KCNB2: variants seen among roughly 807,000 people sequenced by gnomAD.
KCNB2 encodes the protein potassium voltage-gated channel subfamily B member 2.
Under a neutral mutation model 61.5 loss-of-function variants are expected in KCNB2, and 15 were observed. The observed-to-expected ratio is 0.24, with a 90% CI of 0.16 to 0.38. KCNB2 has a LOEUF of 0.38. Among genes scored for constraint, KCNB2 ranks in the 10% least tolerant of loss-of-function variants. The pLI is 1.00. For missense variants in KCNB2, 828 were observed against 1,125.2 expected, an observed-to-expected ratio of 0.74 and a Z score of 3.78; for synonymous variants, 457 against 446.0, an observed-to-expected ratio of 1.02 and a Z score of -0.31.
intron 2 of KCNB2, among the ~76,000 whole-genome samples, chr8:72,694,751 G>C (rs770526804): frequency 1.3e-5 from 2 of 151,824 alleles, no homozygotes; most frequent in African/African-American, 2.4e-5. Flanking sequence ...AATTTAAAAA[G>C]TTTTAGAGCA....
intron 2 of KCNB2, among the ~76,000 whole-genome samples, chr8:72,745,507 T>C (rs1456189018): frequency 6.6e-6 from 1 of 152,156 alleles, no homozygotes; most frequent in African/African-American, 2.4e-5. Flanking sequence ...ATAGTCTTAC[T>C]GAAAAAAATA....
chr8:72,598,375 A>G (rs1306879422), intron 2 of KCNB2, among the ~76,000 whole-genome samples: 2 of 152,242 alleles, frequency 1.3e-5, no homozygotes, highest in Admixed American at 6.5e-5. Flanking sequence ...ATAGATGCAG[A>G]AAAGGCCTTT....
At chr8:72,649,662 T>C (rs1806184378) in intron 2 of KCNB2, among the ~76,000 whole-genome samples, 1 of 152,134 alleles carries the variant, frequency 6.6e-6, no homozygotes, top group Admixed American at 6.5e-5. Context: ...ACTTCCATGA[T>C]GGGAAGTGTG....
intron 1 of KCNB2, among the ~76,000 whole-genome samples, chr8:72,555,145 A>C (rs1240314015): frequency 6.6e-6 from 1 of 152,046 alleles, no homozygotes; most frequent in Non-Finnish European, 1.5e-5. Flanking sequence ...GTGAGCAAGA[A>C]ACTTACCTTT....
chr8:72,862,438 T>G (rs1312503246), intron 2 of KCNB2, among the ~76,000 whole-genome samples: 1 of 152,212 alleles, frequency 6.6e-6, no homozygotes, highest in Non-Finnish European at 1.5e-5. Flanking sequence ...TTCTACAATT[T>G]TTTTTTACAC....
At chr8:72,589,069 C>T (rs918856176) in intron 2 of KCNB2, among the ~76,000 whole-genome samples, 1 of 152,104 alleles carries the variant, frequency 6.6e-6, no homozygotes, top group African/African-American at 2.4e-5. Flanking sequence ...GGAAAACATA[C>T]CAACAAGGAG....
At chr8:72,926,941 G>A (rs1026832812) in intron 2 of KCNB2, among the ~76,000 whole-genome samples, 2 of 152,114 alleles carry the variant, frequency 1.3e-5, no homozygotes, top group African/African-American at 2.4e-5. Context: ...TGAATTCCTC[G>A]AATGGCTTTT....
intron 2 of KCNB2, among the ~76,000 whole-genome samples, chr8:72,832,548 G>C (rs760394300): frequency 6.6e-6 from 1 of 152,122 alleles, no homozygotes; most frequent in Non-Finnish European, 1.5e-5. Context: ...CCAGAGCTGA[G>C]GGAAGATTAT....
Position 72,706,408 on chromosome 8 carries a change from T to A in KCNB2, c.579+138095T>A, listed in dbSNP as rs139616622. ...ACAACATTTTTAAAAAGTAAAAAAA[T>A]ATAAGTGTAGTCCACAGTGACCCAT... On this transcript the variant is annotated intron_variant, in intron 2 of 2. Transcript: ENST00000523207. Among the ~76,000 whole-genome samples, 294 of 152,266 alleles carry A rather than the reference T, an allele frequency of 1.9e-3. 3 individuals carry two copies. The highest frequency in any genetic ancestry group is 6.6e-3 in the African/African-American group (274 of 41,552).
At chr8:72,801,565 A>C (rs1037729881) in intron 2 of KCNB2, among the ~76,000 whole-genome samples, 1 of 152,200 alleles carries the variant, frequency 6.6e-6, no homozygotes, top group African/African-American at 2.4e-5. Context: ...ATTGAGTGTG[A>C]ATTGAAGCAG....
intron 2 of KCNB2, among the ~76,000 whole-genome samples, chr8:72,647,580 G>A (rs1318265864): frequency 6.6e-6 from 1 of 152,108 alleles, no homozygotes; most frequent in Non-Finnish European, 1.5e-5. Context: ...TTAAAGTGGT[G>A]AAAACAGATT....
intron 2 of KCNB2, among the ~76,000 whole-genome samples, chr8:72,755,018 C>G (rs907547075): frequency 6.6e-6 from 1 of 152,170 alleles, no homozygotes; most frequent in East Asian, 1.9e-4. Context: ...GTAGAAGATA[C>G]TCTTGGTAAG....
chr8:72,905,380 TAAGGAAA>T lies in KCNB2; in HGVS notation c.580-30554_580-30548del, dbSNP rs1292551327. Among the ~76,000 whole-genome samples, 3 of 152,232 alleles carry T rather than the reference TAAGGAAA, an allele frequency of 2.0e-5. No homozygotes were observed. In the East Asian group the frequency reaches 5.8e-4, roughly 29 times the overall value. ...TCAGTTTGGCCATTCAGATGGAACT[TAAGGAAA>T]GACACTTGGAAGTGCAATTGCAGAA... On this transcript the variant is annotated intron_variant, in intron 2 of 2. Transcript: ENST00000523207.
At chr8:72,713,309 A>G (rs2449103) in intron 2 of KCNB2, among the ~76,000 whole-genome samples, 110,141 of 152,114 alleles carry the variant, frequency 0.72, 41,137 homozygotes, top group African/African-American at 0.9. Context: ...TTTGAAGAGA[A>G]TAGTGGTTCT....
intron 2 of KCNB2, among the ~76,000 whole-genome samples, chr8:72,575,025 T>A (rs1052725494): frequency 6.6e-6 from 1 of 152,172 alleles, no homozygotes; most frequent in Non-Finnish European, 1.5e-5. Context: ...ACAAATACTT[T>A]CCAAATGCTA....
chr8:72,697,705 A>C (rs1285864924), intron 2 of KCNB2, among the ~76,000 whole-genome samples: 1 of 152,126 alleles, frequency 6.6e-6, no homozygotes. Flanking sequence ...CAGAAAATTC[A>C]ATTTCAGAGA....
At chr8:72,658,292 A>G (rs1471486121) in intron 2 of KCNB2, among the ~76,000 whole-genome samples, 1 of 152,230 alleles carries the variant, frequency 6.6e-6, no homozygotes, top group African/African-American at 2.4e-5. Flanking sequence ...ATATGTAGAA[A>G]GTTTTAGTGG....
intron 2 of KCNB2, among the ~76,000 whole-genome samples, chr8:72,681,022 G>A (rs948774141): frequency 2.8e-4 from 42 of 152,248 alleles, no homozygotes; most frequent in African/African-American, 1.0e-3. Flanking sequence ...AAATAAAGGA[G>A]CAAACATGCA....
chr8:72,752,175 T>C (rs1378272590), intron 2 of KCNB2, among the ~76,000 whole-genome samples: 2 of 152,116 alleles, frequency 1.3e-5, no homozygotes, highest in African/African-American at 2.4e-5. Flanking sequence ...AAGGGAAACA[T>C]GGTTAGTTAA....
Sources: allele counts gnomAD v4.1 joint callset (sites outside exome capture counted in the v4.1 genomes callset), GRCh38; gene constraint gnomAD v4.1.1; transcripts MANE v1.5; gene names NCBI Gene and HGNC (gene_info 2026-07-23, HGNC 2026-07-21).